KDM2B: variants seen among roughly 807,000 people sequenced by gnomAD.
KDM2B encodes the protein lysine-specific demethylase 2B.
Under a neutral mutation model 150.0 loss-of-function variants are expected in KDM2B, and 26 were observed. The ratio of observed to expected loss-of-function variants is 0.17; its 90% CI spans 0.13 to 0.24. The LOEUF is 0.24. Among genes scored for constraint, KDM2B ranks in the 10% least tolerant of loss-of-function variants. The pLI is 1.00. For missense variants in KDM2B, 1,265 were observed against 1,816.9 expected (o/e 0.70, Z 5.52); for synonymous variants, 734 against 729.5 (o/e 1.01, Z -0.10).
intron 12 of KDM2B, among the ~76,000 whole-genome samples, chr12:121,456,462 T>C (rs116013198): frequency 0.013 from 2,043 of 152,296 alleles, 46 homozygotes; most frequent in African/African-American, 0.047. Flanking sequence ...CAGGCAATGC[T>C]ATGGGCGGCG....
intron 12 of KDM2B, among the ~76,000 whole-genome samples, chr12:121,476,474 GT>G (rs1347457534): frequency 6.7e-6 from 1 of 149,080 alleles, no homozygotes; most frequent in Admixed American, 6.7e-5. Flanking sequence ...GTAGTTTTTT[GT>G]TTTTTGTTTT....
At chr12:121,543,645 G>A (rs1220736745) in intron 6 of KDM2B, among the ~76,000 whole-genome samples, 1 of 151,682 alleles carries the variant, frequency 6.6e-6, no homozygotes, top group Non-Finnish European at 1.5e-5. Flanking sequence ...CCAACATGGT[G>A]AAACCCCATC....
intron 4 of KDM2B, among the ~76,000 whole-genome samples, chr12:121,560,491 T>C (rs1555313702): frequency 6.6e-6 from 1 of 152,100 alleles, no homozygotes; most frequent in East Asian, 1.9e-4. Context: ...TGGGGGGTGC[T>C]CAGAATTCAG....
At chr12:121,574,639 C>A in intron 3 of KDM2B, 46 bp from the exon 4 acceptor site, 1 of 1,573,358 alleles carries the variant, frequency 6.4e-7, no homozygotes, top group Non-Finnish European at 8.7e-7. Context: ...CCAGAAACAA[C>A]AGAGCTAGAC....
chr12:121,570,579 GAC>G (rs1412409658), intron 4 of KDM2B, among the ~76,000 whole-genome samples: 2 of 152,180 alleles, frequency 1.3e-5, no homozygotes, highest in Non-Finnish European at 2.9e-5. Flanking sequence ...CCTCCACACA[GAC>G]ACACCAGAGT....
chr12:121,409,355 G>A, the KDM2B span: 2 of 152,176 alleles, frequency 1.3e-5, no homozygotes, highest in Admixed American at 6.5e-5. Flanking sequence ...TCCCACAACA[G>A]AAAAACATGT....
chr12:121,421,377 A>AC, the KDM2B span, among the ~76,000 whole-genome samples: 7,116 of 143,430 alleles, frequency 0.05, 316 homozygotes, highest in Middle Eastern at 0.093. Context: ...TCTCTAAAAA[A>AC]AAAAAAAAAA....
In KDM2B at chr12:121,481,383, C is replaced by G. The variant is rs946228282; in HGVS notation, c.1734+13196G>C. On this transcript the variant is annotated intron_variant, in intron 12 of 22. Transcript: ENST00000377071. ...TCCTTCCCAACTTTGTAACATGAAG[C>G]AAAAATAAGTGATGAAAATATTTCA... Among the ~76,000 whole-genome samples, 29 of 152,060 alleles carry G rather than the reference C, an allele frequency of 1.9e-4. 1 individual carries two copies. Among genetic ancestry groups the G allele is most frequent in the African/African-American group, 7.0e-4 (29 of 41,406 alleles).
At position 121,479,421 on chromosome 12, in the gene KDM2B, C is replaced by G. The variant is rs544110436; in HGVS notation, c.1734+15158G>C. On this transcript the variant is annotated intron_variant, in intron 12 of 22. Coordinates refer to ENST00000377071, the MANE Select transcript of KDM2B (RefSeq NM_032590.5). ...GGCGGAGCTTGCAATGAGCCGAGAT[C>G]GTGCCACTGCACTCCAGCCTGGGCG... Among the ~76,000 whole-genome samples the G allele has an allele frequency of 5.9e-4, 88 of 149,590 alleles. No individual in the cohort carries two copies. The South Asian group carries it at 0.017, about 30-fold the overall frequency.
chr12:121,425,230 A>G (rs1872454015), downstream of KDM2B, among the ~76,000 whole-genome samples: 1 of 151,018 alleles, frequency 6.6e-6, no homozygotes. Context: ...ATCGCCTGAA[A>G]CTGGAAGGCG....
At chr12:121,463,671 C>T (rs1275044126) in intron 12 of KDM2B, among the ~76,000 whole-genome samples, 3 of 152,200 alleles carry the variant, frequency 2.0e-5, no homozygotes, top group African/African-American at 7.2e-5. Context: ...GCTTCGAACT[C>T]CTGCGCTCAA....
downstream of KDM2B, among the ~76,000 whole-genome samples, chr12:121,426,620 ATTTTTT>A (rs34070273): frequency 2.6e-5 from 3 of 113,548 alleles, no homozygotes; most frequent in Admixed American, 9.3e-5. Flanking sequence ...ATTTTAAACA[ATTTTTT>A]TTTTTTTTTT....
At chr12:121,420,393 T>G in the KDM2B span, 7 of 1,553,766 alleles carry the variant, frequency 4.5e-6, no homozygotes, top group Non-Finnish European at 6.1e-6. Context: ...GAAGGGACAG[T>G]GCCCTGTGGA....
chr12:121,454,206 C>T (rs1271120089), intron 12 of KDM2B, among the ~76,000 whole-genome samples: 3 of 152,190 alleles, frequency 2.0e-5, no homozygotes, highest in Non-Finnish European at 2.9e-5. Flanking sequence ...CACAGGAGGG[C>T]ACTCACCACA....
chr12:121,528,513 G>A (rs1354485836), intron 8 of KDM2B, among the ~76,000 whole-genome samples: 1 of 151,340 alleles, frequency 6.6e-6, no homozygotes, highest in African/African-American at 2.4e-5. Context: ...GAGTCGAGAT[G>A]GTGCCCAGTG....
In KDM2B at chr12:121,518,318, G is replaced by A. The variant is rs533266521; in HGVS notation, c.1047+2667C>T. On this transcript the variant is annotated intron_variant, in intron 9 of 22. Transcript: ENST00000377071. This position sits in a 1 kb window ranked among gnomAD's most constrained non-coding sequence, Gnocchi z 4.4. ...ATCTGGTTCCAGAATTCTCTCCCCA[G>A]TGCCTTTTGTCTGCCTTGGCTCCTA... 4.6e-5 allele frequency among the ~76,000 whole-genome samples: 7 copies of A among 152,318 alleles called. No individual in the cohort carries two copies. The highest frequency in any genetic ancestry group is 1.7e-4 in the African/African-American group (7 of 41,574).
At chr12:121,463,930 A>G (rs1555294245) in intron 12 of KDM2B, among the ~76,000 whole-genome samples, 1 of 143,420 alleles carries the variant, frequency 7.0e-6, no homozygotes, top group African/African-American at 2.5e-5. Flanking sequence ...ACATCAAGAG[A>G]AAAAAAAAAA....
intron 4 of KDM2B, among the ~76,000 whole-genome samples, chr12:121,561,624 T>C (rs897885574): frequency 7.9e-5 from 12 of 152,272 alleles, no homozygotes; most frequent in Non-Finnish European, 1.6e-4. Flanking sequence ...TCCAACTCAA[T>C]GTGCCCGGAA....
Position 121,518,564 on chromosome 12 carries a change from T to C in KDM2B, c.1047+2421A>G, listed in dbSNP as rs1267083512. On this transcript the variant is annotated intron_variant, in intron 9 of 22. Transcript: ENST00000377071. This position sits in a 1 kb window ranked among gnomAD's most constrained non-coding sequence, Gnocchi z 4.4. ...CTCAACGAGGACGTGATATTCCACG[T>C]AAGCTCAGTGTGATGCTCAGGGGTC... is the stretch of plus-strand genomic sequence containing the variant. Among the ~76,000 whole-genome samples, 1 of 152,082 alleles carries C rather than the reference T, an allele frequency of 6.6e-6. No homozygotes were observed. The highest frequency in any genetic ancestry group is 6.5e-5 in the Admixed American group (1 of 15,268).
Sources: allele counts gnomAD v4.1 joint callset (sites outside exome capture counted in the v4.1 genomes callset), GRCh38; gene constraint gnomAD v4.1.1; non-coding constraint Gnocchi (gnomAD v3.1); transcripts MANE v1.5; gene names NCBI Gene and HGNC (gene_info 2026-07-23, HGNC 2026-07-21).